IPCEF1: variants seen among roughly 807,000 people sequenced by gnomAD.
IPCEF1 encodes interaction protein for cytohesin exchange factors 1, also known as interactor protein for cytohesin exchange factors 1.
A neutral mutation model predicts 50.9 loss-of-function variants in IPCEF1; 31 were observed. The ratio of observed to expected loss-of-function variants is 0.61; its 90% confidence interval spans 0.46 to 0.82. The LOEUF is 0.82. Among genes scored for constraint, IPCEF1 ranks in the 40% least tolerant of loss-of-function variants. The pLI, the probability that IPCEF1 is intolerant of heterozygous loss-of-function variation, is 0.00. For missense variants in IPCEF1, 458 were observed against 514.0 expected (o/e 0.89, Z 1.05); for synonymous variants, 181 against 192.0 (o/e 0.94, Z 0.47).
chr6:154,343,239 C>T (rs879358995), intron 1 of IPCEF1, among the ~76,000 whole-genome samples: 2 of 152,054 alleles, frequency 1.3e-5, no homozygotes, highest in Admixed American at 6.6e-5. Context: ...TCACTCATTT[C>T]GGTTATCATA....
At chr6:154,229,461 C>A (rs1443673357) in intron 5 of IPCEF1, among the ~76,000 whole-genome samples, 1 of 151,224 alleles carries the variant, frequency 6.6e-6, no homozygotes, top group Non-Finnish European at 1.5e-5. Flanking sequence ...GCCATTCTCC[C>A]GCCTCAGCCT....
At position 154,179,039 on chromosome 6, in the gene IPCEF1, T is replaced by C. The variant is rs148334637; in HGVS notation, c.911-10926A>G. ...CTCAGGGGATGCACTGTGCCCCAGG[T>C]CCACGACCCAGTCAGGGACATTACA... On this transcript the variant is annotated intron_variant, in intron 10 of 11. Transcript: ENST00000367220. Among the ~76,000 whole-genome samples the C allele has an allele frequency of 6.6e-5, 10 of 152,324 alleles. No homozygotes were observed. In the East Asian group the frequency reaches 1.9e-3, roughly 29 times the overall value.
At chr6:154,334,796 C>T (rs117293924) in intron 1 of IPCEF1, among the ~76,000 whole-genome samples, 300 of 151,938 alleles carry the variant, frequency 2.0e-3, no homozygotes, top group Non-Finnish European at 3.6e-3. Context: ...CACATATAGA[C>T]AACTCAGTAT....
At chr6:154,344,137 A>G (rs993524026) in intron 1 of IPCEF1, among the ~76,000 whole-genome samples, 3 of 152,070 alleles carry the variant, frequency 2.0e-5, no homozygotes, top group Admixed American at 1.3e-4. Context: ...CTCCTCTCTC[A>G]GTTTTGGAGC....
chr6:154,354,485 T>TCAC, intron 1 of IPCEF1, among the ~76,000 whole-genome samples: 4 of 143,342 alleles, frequency 2.8e-5, no homozygotes, highest in African/African-American at 1.0e-4. Flanking sequence ...ACCTCCACCA[T>TCAC]CTCTACCGTC....
intron 1 of IPCEF1, among the ~76,000 whole-genome samples, chr6:154,347,858 G>A (rs1018677236): frequency 2.6e-5 from 4 of 152,184 alleles, no homozygotes; most frequent in Admixed American, 6.5e-5. Context: ...AATGCCTGAA[G>A]TCCATTGAGA....
At chr6:154,227,986 GCA>G (rs1491314233) in intron 5 of IPCEF1, among the ~76,000 whole-genome samples, 1 of 94,472 alleles carries the variant, frequency 1.1e-5, no homozygotes, top group East Asian at 4.0e-4. Context: ...TATTTGACTT[GCA>G]AAAAAAAAAT....
At chr6:154,180,426 A>T (rs1237055282) in intron 10 of IPCEF1, among the ~76,000 whole-genome samples, 2 of 127,080 alleles carry the variant, frequency 1.6e-5, no homozygotes, top group Non-Finnish European at 3.3e-5. Flanking sequence ...TTTTTTTTTA[A>T]ACATGATCCT....
At chr6:154,342,234 A>C (rs1783933713) in intron 1 of IPCEF1, among the ~76,000 whole-genome samples, 1 of 152,202 alleles carries the variant, frequency 6.6e-6, no homozygotes, top group Admixed American at 6.5e-5. Context: ...CAATAACGTC[A>C]TTACAAGCTT....
At chr6:154,326,538 A>G (rs1783523926) in intron 1 of IPCEF1, among the ~76,000 whole-genome samples, 1 of 152,164 alleles carries the variant, frequency 6.6e-6, no homozygotes, top group African/African-American at 2.4e-5. Flanking sequence ...AAGGAGGCCT[A>G]AAACCACTGC....
At chr6:154,307,518 T>G (rs893353478) in intron 1 of IPCEF1, among the ~76,000 whole-genome samples, 1 of 152,200 alleles carries the variant, frequency 6.6e-6, no homozygotes, top group African/African-American at 2.4e-5. Flanking sequence ...CACATTCTGA[T>G]GTACTGGGGT....
chr6:154,335,483 C>T (rs934625872), intron 1 of IPCEF1, among the ~76,000 whole-genome samples: 11 of 152,104 alleles, frequency 7.2e-5, no homozygotes, highest in Non-Finnish European at 1.5e-4. Flanking sequence ...TTGGCCCATA[C>T]AGTATCAATA....
intron 4 of IPCEF1, 58 bp downstream of exon 4, chr6:154,247,390 GA>G (rs1781145009): frequency 7.1e-7 from 1 of 1,399,098 alleles, no homozygotes; most frequent in Non-Finnish European, 1.0e-6. Context: ...GCACCCCGGA[GA>G]AAAGCCACAC....
At chr6:154,312,165 A>C (rs565993765) in intron 1 of IPCEF1, among the ~76,000 whole-genome samples, 13 of 152,340 alleles carry the variant, frequency 8.5e-5, no homozygotes, top group African/African-American at 3.1e-4. Flanking sequence ...TATTTGCAAT[A>C]ACACAGATGA....
At chr6:154,327,283 A>G (rs902083976) in intron 1 of IPCEF1, among the ~76,000 whole-genome samples, 2 of 152,226 alleles carry the variant, frequency 1.3e-5, no homozygotes, top group Non-Finnish European at 2.9e-5. Flanking sequence ...TAGAAAATCT[A>G]CAGAATGAGA....
chr6:154,313,233 G>T (rs191221524), intron 1 of IPCEF1, among the ~76,000 whole-genome samples: 1 of 151,832 alleles, frequency 6.6e-6, no homozygotes, highest in African/African-American at 2.4e-5. Context: ...TTAGCCAAGC[G>T]TAGTAGTGGT....
intron 3 of IPCEF1, among the ~76,000 whole-genome samples, chr6:154,255,218 T>G (rs1188302978): frequency 6.6e-6 from 1 of 152,218 alleles, no homozygotes; most frequent in Non-Finnish European, 1.5e-5. Context: ...GGTGCCTCTT[T>G]GAATAGTCCC....
chr6:154,236,700 C>T (rs1361872018), intron 5 of IPCEF1, among the ~76,000 whole-genome samples: 1 of 152,172 alleles, frequency 6.6e-6, no homozygotes, highest in African/African-American at 2.4e-5. Flanking sequence ...CCATCTCTTT[C>T]ACAGGTAACA....
chr6:154,194,312 T>A (rs755132202), intron 10 of IPCEF1, among the ~76,000 whole-genome samples: 6 of 152,178 alleles, frequency 3.9e-5, no homozygotes, highest in Non-Finnish European at 8.8e-5. Context: ...GGCAGGAGAA[T>A]CACTTGAACG....
Sources: gnomAD v4.1 joint callset for allele counts (sites outside exome capture counted in the v4.1 genomes callset) on GRCh38, gnomAD v4.1.1 for gene constraint, MANE v1.5 for transcripts, NCBI Gene and HGNC (gene_info 2026-07-23, HGNC 2026-07-21) for gene names.